UBE2V2: variants seen among roughly 807,000 people sequenced by gnomAD.
UBE2V2 encodes the protein ubiquitin conjugating enzyme E2 V2.
UBE2V2 carries 9 observed loss-of-function variants against 17.2 expected under a neutral mutation model. The observed-to-expected ratio is 0.52, with a 90% CI of 0.32 to 0.91. The LOEUF (loss-of-function observed/expected upper bound fraction) is 0.91. Ranked by LOEUF, UBE2V2 falls within the 40% of genes least tolerant of loss-of-function variation. UBE2V2 has a pLI of 0.04. For synonymous variants in UBE2V2, 61 were observed against 57.5 expected (o/e 1.06, Z -0.28); for missense variants, 133 against 182.6 (o/e 0.73, Z 1.56).
Position 48,049,927 on chromosome 8 carries a change from T to A in UBE2V2, c.240T>A (p.Val80=), listed in dbSNP as rs760438897. The A allele has an allele frequency of 6.3e-7, 1 of 1,584,702 alleles. No individual in the cohort carries two copies. The highest frequency in any genetic ancestry group is 8.6e-7 in the Non-Finnish European group (1 of 1,169,274). Residue 80 remains valine (V), a synonymous_variant, in exon 3 of 4, where the codon GTT becomes GTA. Coordinates refer to ENST00000523111, the MANE Select transcript of UBE2V2 (RefSeq NM_003350.3). ...GPKYPEAPPS[V]RFVTKINMNG... ...AATACCCAGAAGCTCCTCCGTCAGT[T>A]AGATTTGTAACAAAAATTAATATGA...
chr8:48,055,200 CT>C (rs5891260), intron 3 of UBE2V2, among the ~76,000 whole-genome samples: 25,861 of 134,248 alleles, frequency 0.19, 4,167 homozygotes, highest in African/African-American at 0.49. Flanking sequence ...GTTTCTTTTC[CT>C]TTTTTTTTTT....
upstream of UBE2V2, chr8:48,008,428 G>A (rs2091200992): frequency 2.6e-6 from 4 of 1,562,452 alleles, 1 homozygote; most frequent in East Asian, 5.3e-5. Flanking sequence ...CGTGCGTGCG[G>A]GCGGCTGCGT....
chr8:48,005,372 T>G (rs2091177365), upstream of UBE2V2, among the ~76,000 whole-genome samples: 1 of 152,230 alleles, frequency 6.6e-6, no homozygotes, highest in South Asian at 2.1e-4. Context: ...GGCTGCATAG[T>G]ATTCCATGGT....
intron 1 of UBE2V2, among the ~76,000 whole-genome samples, chr8:48,012,582 G>T (rs192021299): frequency 6.6e-6 from 1 of 151,882 alleles, no homozygotes; most frequent in Admixed American, 6.6e-5. Context: ...TCCGGGCGTG[G>T]TGGCACATGC....
intron 1 of UBE2V2, among the ~76,000 whole-genome samples, chr8:48,015,895 GTT>G (rs1168641766): frequency 3.0e-5 from 4 of 132,208 alleles, no homozygotes; most frequent in African/African-American, 5.7e-5. Flanking sequence ...TGTCTGTGTG[GTT>G]TTTTTTTTTT....
chr8:48,035,886 G>A (rs372083384), intron 1 of UBE2V2, among the ~76,000 whole-genome samples: 3 of 146,324 alleles, frequency 2.1e-5, no homozygotes, highest in Non-Finnish European at 3.0e-5. Context: ...GTGACACTCC[G>A]TCTCAAAAAA....
chr8:48,016,140 A>T (rs756035841), intron 1 of UBE2V2, among the ~76,000 whole-genome samples: 128 of 152,210 alleles, frequency 8.4e-4, no homozygotes, highest in Middle Eastern at 3.4e-3. Flanking sequence ...CAAGCAATCC[A>T]TCTGCCTCGG....
chr8:48,044,143 CTGA>C (rs549316347), intron 2 of UBE2V2, among the ~76,000 whole-genome samples: 278 of 151,288 alleles, frequency 1.8e-3, no homozygotes, highest in South Asian at 5.2e-3. Context: ...AGAGTTCCTC[CTGA>C]TGATGATGAT....
Position 48,061,560 on chromosome 8 carries a change from C to T in UBE2V2, c.*732C>T, listed in dbSNP as rs972834284. ...CTTAAAATGTAAATAAAATGTGAAA[C>T]GTGTCCTCAGAGACTGTGCCATTTC... On this transcript the variant is annotated 3_prime_UTR_variant, in exon 4 of 4. Transcript: ENST00000523111. 6.6e-6 allele frequency: 1 copy of T among 152,510 alleles called. No individual in the cohort carries two copies. Among genetic ancestry groups the T allele is most frequent in the East Asian group, 1.9e-4 (1 of 5,202 alleles). The allele number at this position is 152,510 out of a possible 1,614,324, so 9.4% of individuals were successfully genotyped here. A position where few individuals can be genotyped will look rare whatever the true frequency, so the allele number is the denominator to read the frequency against.
chr8:48,033,609 T>TA lies in UBE2V2; in HGVS notation c.17-9423dup, dbSNP rs1272044591. Among the ~76,000 whole-genome samples the TA allele has an allele frequency of 7.9e-5, 12 of 152,256 alleles. No homozygotes were observed. In the East Asian group the frequency reaches 1.7e-3, roughly 22 times the overall value. ...ATTAACATATTCATCATCTTACAGT[T>TA]ACCTGTTTTCCTCCCTGTGGCAAGA... On this transcript the variant is annotated intron_variant, in intron 1 of 3. Transcript: ENST00000523111.
chr8:48,056,163 A>G (rs1046793884), intron 3 of UBE2V2, among the ~76,000 whole-genome samples: 2 of 152,168 alleles, frequency 1.3e-5, no homozygotes, highest in African/African-American at 4.8e-5. Context: ...AGATTTACCC[A>G]TGTTTGTATT....
In UBE2V2 at chr8:48,064,338, A is replaced by G. The variant is rs1387498533; in HGVS notation, c.*3510A>G. 2 of 152,180 alleles carry G rather than the reference A, an allele frequency of 1.3e-5. No individual in the cohort carries two copies. Among genetic ancestry groups the G allele is most frequent in the Admixed American group, 1.3e-4 (2 of 15,260 alleles). 9.4% of individuals were successfully genotyped at this position (152,180 alleles called of 1,614,324 possible). A position where few individuals can be genotyped will look rare whatever the true frequency, so the allele number is the denominator to read the frequency against. On this transcript the variant is annotated 3_prime_UTR_variant, in exon 4 of 4. Transcript: ENST00000523111. ...TTTAATTATTGTCACACACACACAA[A>G]ATTCAACTCCTCAAGGTTTGGGAAA...
chr8:48,016,781 CTTTT>C (rs554494819), intron 1 of UBE2V2, among the ~76,000 whole-genome samples: 2 of 128,474 alleles, frequency 1.6e-5, no homozygotes, highest in African/African-American at 5.9e-5. Context: ...CGTGCCCAGC[CTTTT>C]TTTTTTTTTT....
chr8:48,059,414 C>G (rs1461163679), intron 3 of UBE2V2, among the ~76,000 whole-genome samples: 1 of 143,812 alleles, frequency 7.0e-6, no homozygotes, highest in Non-Finnish European at 1.5e-5. Context: ...TACCTTCCTG[C>G]TTTTTTTTTT....
intron 1 of UBE2V2, among the ~76,000 whole-genome samples, chr8:48,029,148 C>T (rs1283955826): frequency 1.3e-5 from 2 of 151,602 alleles, no homozygotes; most frequent in South Asian, 2.1e-4. Context: ...GGCAACGTAC[C>T]GAGATCCTGT....
intron 1 of UBE2V2, among the ~76,000 whole-genome samples, chr8:48,012,867 A>T (rs1451884132): frequency 6.6e-6 from 1 of 151,760 alleles, no homozygotes; most frequent in Non-Finnish European, 1.5e-5. Flanking sequence ...TTCTTTCGGG[A>T]TGGAGTCTTG....
intron 1 of UBE2V2, among the ~76,000 whole-genome samples, chr8:48,023,169 T>C (rs1432824300): frequency 3.3e-5 from 5 of 152,106 alleles, no homozygotes; most frequent in Non-Finnish European, 7.3e-5. Context: ...CATATACTTA[T>C]AACTTTCTCC....
At chr8:48,018,331 A>G (rs2091283535) in intron 1 of UBE2V2, among the ~76,000 whole-genome samples, 1 of 152,220 alleles carries the variant, frequency 6.6e-6, no homozygotes, top group South Asian at 2.1e-4. Flanking sequence ...GCTGTATTCC[A>G]TAGGCTTTGT....
chr8:48,008,687 C>A, intron 1 of UBE2V2: 1 of 398,390 alleles, frequency 2.5e-6, no homozygotes, highest in Non-Finnish European at 3.6e-6. Context: ...GTCGGCCGCG[C>A]GCCGGCGGGC....
Sources: gnomAD v4.1 joint callset for allele counts (sites outside exome capture counted in the v4.1 genomes callset) on GRCh38, gnomAD v4.1.1 for gene constraint, MANE v1.5 for transcripts, NCBI Gene and HGNC (gene_info 2026-07-23, HGNC 2026-07-21) for gene names.